MAML2: variants seen among roughly 807,000 people sequenced by gnomAD.
MAML2 encodes mastermind-like protein 2.
Under a neutral mutation model 96.1 loss-of-function variants are expected in MAML2, and 22 were observed. That is an observed-to-expected ratio of 0.23 (90% CI 0.16 to 0.33). The LOEUF (loss-of-function observed/expected upper bound fraction) is 0.33, where lower values mean the gene tolerates loss of function less well. MAML2 is among the 10% of genes least tolerant of loss of function. MAML2 has a pLI of 1.00. For missense variants in MAML2, 1,367 were observed against 1,392.4 expected (o/e 0.98, Z 0.29); for synonymous variants, 561 against 521.3 (o/e 1.08, Z -1.04).
intron 2 of MAML2, among the ~76,000 whole-genome samples, chr11:96,083,643 G>A (rs1591001834): frequency 6.6e-6 from 1 of 152,286 alleles, no homozygotes; most frequent in East Asian, 1.9e-4. Context: ...GGGAGGGGAT[G>A]GGCTCTTAAA....
chr11:96,316,343 A>G (rs1863633151), intron 1 of MAML2, among the ~76,000 whole-genome samples: 4 of 152,238 alleles, frequency 2.6e-5, no homozygotes, highest in Admixed American at 2.6e-4. Flanking sequence ...AATGGGAACC[A>G]ATACATAAAT....
chr11:96,238,116 TCTCA>T, intron 1 of MAML2, among the ~76,000 whole-genome samples: 1 of 152,212 alleles, frequency 6.6e-6, no homozygotes, highest in South Asian at 2.1e-4. Context: ...AATACCCAGC[TCTCA>T]GGACAAGCAA....
In MAML2 at chr11:96,342,435, T is replaced by G; in HGVS notation, c.-540A>C. ...GTCTATGTAACCAGCAGCCTTGACTTTTCCTCAGGTTAAATAAAAAACCAA... is the reference window on the plus strand; with the variant it reads ...GTCTATGTAACCAGCAGCCTTGACTGTTCCTCAGGTTAAATAAAAAACCAA... On this transcript the variant is annotated 5_prime_UTR_variant, in exon 1 of 5. Coordinates refer to ENST00000524717, the MANE Select transcript of MAML2 (RefSeq NM_032427.4). The G allele has an allele frequency of 2.5e-6, 1 of 398,720 alleles. No homozygotes were observed. The highest frequency in any genetic ancestry group is 4.4e-6 in the Non-Finnish European group (1 of 226,152). 24.7% of individuals were successfully genotyped at this position (398,720 alleles called of 1,614,324 possible).
At chr11:96,248,428 G>A (rs1214954998) in intron 1 of MAML2, among the ~76,000 whole-genome samples, 2 of 152,018 alleles carry the variant, frequency 1.3e-5, no homozygotes, top group Non-Finnish European at 2.9e-5. Context: ...ACTTTTTAAT[G>A]TGGCTACTAG....
At chr11:96,225,097 T>C (rs1862193258) in intron 1 of MAML2, among the ~76,000 whole-genome samples, 1 of 152,248 alleles carries the variant, frequency 6.6e-6, no homozygotes, top group African/African-American at 2.4e-5. Context: ...AATTCTTTGC[T>C]ATTCCTCTTT....
Position 96,091,894 on chromosome 11 carries a change from G to C in MAML2, c.2137C>G (p.Gln713Glu), listed in dbSNP as rs1389440502. 1 of 1,612,534 alleles carries C rather than the reference G, an allele frequency of 6.2e-7. No individual in the cohort carries two copies. The highest frequency in any genetic ancestry group is 1.7e-5 in the Admixed American group (1 of 59,968). The change falls in exon 2 of 5, where the codon CAG becomes GAG. Residue 713 changes from glutamine to glutamate, a missense_variant and splice_region_variant. Coordinates refer to ENST00000524717, the MANE Select transcript of MAML2 (RefSeq NM_032427.4). ...ATTTGGAGTAGTAGAGCCCTTACCT[G>C]TCTCTGTTGTTGGGAGACTTGGTAT... ...MGYQVSQQQR[Q>E]DQHSVVGQNT...
intron 1 of MAML2, among the ~76,000 whole-genome samples, chr11:96,282,256 A>AG (rs1565272360): frequency 1.4e-5 from 2 of 147,842 alleles, no homozygotes; most frequent in Non-Finnish European, 3.0e-5. Flanking sequence ...CTCAAAAAAA[A>AG]AATAATAATA....
intron 4 of MAML2, among the ~76,000 whole-genome samples, chr11:95,984,245 C>T (rs1036775076): frequency 2.0e-5 from 3 of 152,118 alleles, no homozygotes; most frequent in African/African-American, 7.2e-5. Flanking sequence ...GCTAGATCAT[C>T]TAGGTTTGTA....
chr11:96,151,974 T>C (rs1860931628), intron 1 of MAML2, among the ~76,000 whole-genome samples: 2 of 152,224 alleles, frequency 1.3e-5, no homozygotes, highest in South Asian at 4.1e-4. Context: ...CTTGGCACTT[T>C]GGGAGGCCAA....
chr11:96,038,921 T>C (rs1858761199), intron 2 of MAML2, among the ~76,000 whole-genome samples: 4 of 152,326 alleles, frequency 2.6e-5, no homozygotes, highest in South Asian at 4.1e-4. Context: ...TGCTTAATAA[T>C]ACTTGTCAAA....
intron 1 of MAML2, among the ~76,000 whole-genome samples, chr11:96,132,672 C>T (rs1860565589): frequency 1.3e-5 from 2 of 152,206 alleles, no homozygotes; most frequent in Non-Finnish European, 2.9e-5. Flanking sequence ...AGCGTTCTGA[C>T]AACAGCCATG....
At chr11:96,057,684 G>T (rs1318602035) in intron 2 of MAML2, among the ~76,000 whole-genome samples, 1 of 152,090 alleles carries the variant, frequency 6.6e-6, no homozygotes, top group Non-Finnish European at 1.5e-5. Context: ...CATCTATTTG[G>T]CTTTGGCAGA....
At chr11:96,151,597 T>C (rs1354926854) in intron 1 of MAML2, among the ~76,000 whole-genome samples, 1 of 152,176 alleles carries the variant, frequency 6.6e-6, no homozygotes, top group Non-Finnish European at 1.5e-5. Flanking sequence ...AACTCCTCAG[T>C]GCTGTTCTCA....
intron 2 of MAML2, among the ~76,000 whole-genome samples, chr11:96,055,874 A>G (rs1039209205): frequency 2.6e-5 from 4 of 152,262 alleles, no homozygotes; most frequent in Admixed American, 2.0e-4. Flanking sequence ...GTACTAAGTC[A>G]TCTTTCTACA....
intron 1 of MAML2, among the ~76,000 whole-genome samples, chr11:96,340,128 A>G (rs867996058): frequency 2.6e-5 from 4 of 152,190 alleles, no homozygotes; most frequent in Admixed American, 6.5e-5. Flanking sequence ...CCATGGACCC[A>G]GGCCAGGGAT....
At chr11:96,274,391 A>G in intron 1 of MAML2, among the ~76,000 whole-genome samples, 1 of 147,940 alleles carries the variant, frequency 6.8e-6, no homozygotes, top group African/African-American at 2.7e-5. Flanking sequence ...CCCTACTTTT[A>G]TAAAGGATTT....
chr11:96,268,613 C>T (rs555793925), intron 1 of MAML2, among the ~76,000 whole-genome samples: 1 of 152,336 alleles, frequency 6.6e-6, no homozygotes, highest in South Asian at 2.1e-4. Flanking sequence ...ACCCAAATTG[C>T]ATCTTGAATT....
chr11:96,074,927 T>C (rs1859410800), intron 2 of MAML2, among the ~76,000 whole-genome samples: 1 of 152,158 alleles, frequency 6.6e-6, no homozygotes. Context: ...TGGTGTTGCA[T>C]ATTTTGCTTT....
At chr11:96,288,497 G>A (rs1333282553) in intron 1 of MAML2, among the ~76,000 whole-genome samples, 1 of 149,538 alleles carries the variant, frequency 6.7e-6, no homozygotes, top group Non-Finnish European at 1.5e-5. Context: ...AGCCAAGATC[G>A]TGCCCTTGCA....
Sources: gnomAD v4.1 joint callset for allele counts (sites outside exome capture counted in the v4.1 genomes callset) on GRCh38, gnomAD v4.1.1 for gene constraint, MANE v1.5 for transcripts, NCBI Gene and HGNC (gene_info 2026-07-23, HGNC 2026-07-21) for gene names.